Variants in GRID2 observed in about 807,000 individuals in gnomAD.
The protein encoded by GRID2 is glutamate receptor ionotropic, delta-2.
Under a neutral mutation model 114.8 loss-of-function variants are expected in GRID2, and 33 were observed. The observed-to-expected ratio is 0.29, with a 90% CI of 0.22 to 0.38. The LOEUF (loss-of-function observed/expected upper bound fraction) is 0.38, where lower values mean the gene tolerates loss of function less well. GRID2 is among the 10% of genes least tolerant of loss of function. GRID2 has a pLI of 1.00. For missense variants in GRID2, 1,184 were observed against 1,257.7 expected (o/e 0.94, Z 0.89); for synonymous variants, 505 against 449.9 (o/e 1.12, Z -1.55).
At chr4:93,278,279 A>AC (rs397700167) in intron 8 of GRID2, among the ~76,000 whole-genome samples, 2 of 151,348 alleles carry the variant, frequency 1.3e-5, no homozygotes, top group Admixed American at 6.6e-5. Context: ...AAAAAAAAAA[A>AC]CATGTTATTC....
intron 2 of GRID2, among the ~76,000 whole-genome samples, chr4:92,830,097 T>C (rs1229355353): frequency 6.7e-6 from 1 of 148,708 alleles, no homozygotes; most frequent in Non-Finnish European, 1.5e-5. Flanking sequence ...TAAAATAAAA[T>C]TGAAAAAAAA....
chr4:92,801,405 A>C (rs1276105624), intron 2 of GRID2, among the ~76,000 whole-genome samples: 1 of 151,950 alleles, frequency 6.6e-6, no homozygotes, highest in Non-Finnish European at 1.5e-5. Context: ...TCTGAGCAAA[A>C]ACCCTTTACG....
chr4:92,669,166 A>G (rs1732930611), intron 2 of GRID2, among the ~76,000 whole-genome samples: 1 of 151,994 alleles, frequency 6.6e-6, no homozygotes, highest in Non-Finnish European at 1.5e-5. Flanking sequence ...GGGCAAAAAA[A>G]TAAGAGTTAA....
chr4:93,019,462 G>T (rs1415537480), intron 2 of GRID2, among the ~76,000 whole-genome samples: 3 of 152,150 alleles, frequency 2.0e-5, no homozygotes, highest in African/African-American at 7.2e-5. Context: ...GCTGTGATCA[G>T]TTCTATGACC....
chr4:93,344,620 A>T (rs1176175116), intron 8 of GRID2, among the ~76,000 whole-genome samples: 2 of 148,314 alleles, frequency 1.3e-5, no homozygotes, highest in Non-Finnish European at 3.0e-5. Flanking sequence ...CAATATATTA[A>T]ATATATATTT....
intron 2 of GRID2, among the ~76,000 whole-genome samples, chr4:92,636,427 T>C (rs1006680710): frequency 6.6e-6 from 1 of 152,038 alleles, no homozygotes; most frequent in Non-Finnish European, 1.5e-5. Context: ...TGAGTACATA[T>C]GCTTTTTGTT....
intron 1 of GRID2, among the ~76,000 whole-genome samples, chr4:92,415,774 A>C (rs1731582773): frequency 8.5e-6 from 1 of 117,786 alleles, no homozygotes; most frequent in East Asian, 2.5e-4. Flanking sequence ...ATATATATAT[A>C]TATATATCAC....
intron 8 of GRID2, among the ~76,000 whole-genome samples, chr4:93,283,310 CA>C (rs1727953297): frequency 6.6e-6 from 1 of 151,960 alleles, no homozygotes; most frequent in South Asian, 2.1e-4. Flanking sequence ...CAATTTTGAT[CA>C]AAGTTGCTTT....
At chr4:92,919,432 A>C (rs1339940971) in intron 2 of GRID2, among the ~76,000 whole-genome samples, 2 of 151,898 alleles carry the variant, frequency 1.3e-5, no homozygotes, top group African/African-American at 2.4e-5. Flanking sequence ...TAGTTCTTTT[A>C]ATTGTGATGT....
chr4:93,282,338 T>G, intron 8 of GRID2: 1 of 428,708 alleles, frequency 2.3e-6, no homozygotes, highest in South Asian at 1.7e-5. Flanking sequence ...ATACCAGAGA[T>G]GGAGTAGTTT....
intron 13 of GRID2, among the ~76,000 whole-genome samples, chr4:93,589,933 A>C (rs1738010710): frequency 6.6e-6 from 1 of 150,436 alleles, no homozygotes; most frequent in Non-Finnish European, 1.5e-5. Flanking sequence ...GTTTGAGTTC[A>C]TTGTAGATTC....
chr4:93,778,926 T>C (rs1734424855), downstream of GRID2, among the ~76,000 whole-genome samples: 1 of 152,172 alleles, frequency 6.6e-6, no homozygotes, highest in South Asian at 2.1e-4. Context: ...AGTGCAGCAA[T>C]ATATACACAT....
intron 14 of GRID2, among the ~76,000 whole-genome samples, chr4:93,708,587 G>C (rs1578626505): frequency 6.6e-6 from 1 of 151,996 alleles, no homozygotes; most frequent in East Asian, 1.9e-4. Flanking sequence ...TTGTACATGA[G>C]AGATTGTTGA....
At chr4:92,710,072 C>A (rs1579890792) in intron 2 of GRID2, among the ~76,000 whole-genome samples, 1 of 151,844 alleles carries the variant, frequency 6.6e-6, no homozygotes, top group African/African-American at 2.4e-5. Flanking sequence ...GTTTATATTA[C>A]TTGTTTTATT....
chr4:93,685,018 T>C (rs190144378), intron 14 of GRID2, among the ~76,000 whole-genome samples: 15 of 152,158 alleles, frequency 9.9e-5, no homozygotes, highest in Admixed American at 7.9e-4. Flanking sequence ...TGTGGGAGTA[T>C]CTTCCATATT....
chr4:93,221,858 A>G (rs1301246710), intron 6 of GRID2, among the ~76,000 whole-genome samples: 1 of 152,126 alleles, frequency 6.6e-6, no homozygotes, highest in African/African-American at 2.4e-5. Context: ...ATTTATTGAA[A>G]ATGCCTGTCA....
chr4:92,915,821 G>A (rs546782615), intron 2 of GRID2, among the ~76,000 whole-genome samples: 3 of 152,218 alleles, frequency 2.0e-5, no homozygotes, highest in Admixed American at 6.5e-5. Flanking sequence ...GATCAGTGAT[G>A]TTCAGCGTTT....
chr4:93,012,452 CA>C (rs1319587026), intron 2 of GRID2, among the ~76,000 whole-genome samples: 1 of 152,004 alleles, frequency 6.6e-6, no homozygotes, highest in African/African-American at 2.4e-5. Flanking sequence ...AACACCTGTA[CA>C]ACAGAATTAG....
intron 4 of GRID2, among the ~76,000 whole-genome samples, chr4:93,132,234 A>G (rs1382473266): frequency 1.3e-5 from 2 of 152,206 alleles, no homozygotes; most frequent in Admixed American, 1.3e-4. Context: ...AGTATTTGAC[A>G]TAGAACCTAC....
Sources: allele counts gnomAD v4.1 joint callset (sites outside exome capture counted in the v4.1 genomes callset), GRCh38; gene constraint gnomAD v4.1.1; transcripts MANE v1.5; gene names NCBI Gene and HGNC (gene_info 2026-07-23, HGNC 2026-07-21).